The following PTGIR variants were observed in gnomAD, a reference collection of about 807,000 sequenced individuals.
The protein encoded by PTGIR is prostaglandin I2 receptor, also known as prostacyclin receptor.
Under a neutral mutation model 17.6 loss-of-function variants are expected in PTGIR, and 16 were observed. The observed-to-expected ratio is 0.91, with a 90% CI of 0.61 to 1.38. PTGIR has a LOEUF of 1.38. PTGIR is among the 40% of genes most tolerant of loss of function. PTGIR has a pLI of 0.00. For missense variants in PTGIR, 532 were observed against 548.6 expected, an observed-to-expected ratio of 0.97 and a Z score of 0.30; for synonymous variants, 274 against 255.4, an observed-to-expected ratio of 1.07 and a Z score of -0.69.
chr19:46,619,153 G>A (rs1430691523), downstream of PTGIR, among the ~76,000 whole-genome samples: 1 of 152,020 alleles, frequency 6.6e-6, no homozygotes, highest in East Asian at 1.9e-4. Context: ...TGTGTGAGTC[G>A]GGACAGGTGG....
downstream of PTGIR, among the ~76,000 whole-genome samples, chr19:46,617,370 TG>T (rs1288023553): frequency 6.6e-6 from 1 of 151,336 alleles, no homozygotes; most frequent in Admixed American, 6.6e-5. Flanking sequence ...AAAGGGTGGA[TG>T]GGGGGCATTG....
chr19:46,624,317 C>T, intron 1 of PTGIR, 80 bp from the exon 2 acceptor site: 1 of 1,347,742 alleles, frequency 7.4e-7, no homozygotes, highest in South Asian at 1.7e-5. Context: ...TCCCTGCTGG[C>T]CAGTCCTTTT....
At chr19:46,615,792 C>A (rs566977522), downstream of PTGIR, among the ~76,000 whole-genome samples, 2 of 151,022 alleles carry the variant, frequency 1.3e-5, no homozygotes, top group Non-Finnish European at 2.9e-5. Context: ...AGGAGTGAGC[C>A]CCCACGCCCA....
downstream of PTGIR, among the ~76,000 whole-genome samples, chr19:46,619,486 T>G (rs75301386): frequency 6.7e-5 from 9 of 134,390 alleles, no homozygotes; most frequent in East Asian, 1.5e-3. Context: ...CAGAGTGATA[T>G]TCTGTCTCAA....
chr19:46,623,422 C>G, intron 2 of PTGIR, 36 bp downstream of exon 2: 6 of 1,488,030 alleles, frequency 4.0e-6, no homozygotes, highest in Non-Finnish European at 2.7e-6. Flanking sequence ...TGCCCTCCTC[C>G]TCTCCCCACT....
At chr19:46,620,325 C>A (rs1160118636), downstream of PTGIR, 1 of 705,152 alleles carries the variant, frequency 1.4e-6, no homozygotes, top group African/African-American at 1.9e-5. Context: ...TGGTCTCAAA[C>A]TCCTGGGCTC....
downstream of PTGIR, among the ~76,000 whole-genome samples, chr19:46,619,601 A>AATGAAAG (rs1568675777): frequency 1.0e-5 from 1 of 95,650 alleles, no homozygotes; most frequent in Non-Finnish European, 2.1e-5. Context: ...GAAAAGAAAG[A>AATGAAAG]AAGGAAAGAA....
the PTGIR span, chr19:46,614,378 G>A: frequency 1.0e-6 from 1 of 985,204 alleles, no homozygotes; most frequent in Non-Finnish European, 1.2e-6. Context: ...ATCTGTGTGC[G>A]CCGGTGTTTA....
Position 46,621,051 on chromosome 19 carries a change from T to G in PTGIR, c.*229A>C. On this transcript the variant is annotated 3_prime_UTR_variant, in exon 3 of 3. Coordinates refer to ENST00000291294, the MANE Select transcript of PTGIR (RefSeq NM_000960.4). The surrounding 1 kb of genome is among the most constrained non-coding windows in gnomAD (Gnocchi z 4.8). ...CAGAGCAGGTCGGCCAGGCCACTGGTTATTTTGAGAGAACCATTCTTTCTG... is the reference window on the plus strand; with the variant it reads ...CAGAGCAGGTCGGCCAGGCCACTGGGTATTTTGAGAGAACCATTCTTTCTG... The G allele has an allele frequency of 8.1e-7, 1 of 1,229,602 alleles. No homozygotes were observed. The highest frequency in any genetic ancestry group is 1.0e-6 in the Non-Finnish European group (1 of 985,894). The allele number at this position is 1,229,602 out of a possible 1,614,324, so 76.2% of individuals were successfully genotyped here.
At chr19:46,616,682 G>A (rs961243493), downstream of PTGIR, among the ~76,000 whole-genome samples, 24 of 152,080 alleles carry the variant, frequency 1.6e-4, no homozygotes, top group Non-Finnish European at 1.3e-4. Flanking sequence ...TCAGGTCCCC[G>A]CTCAGCCATC....
downstream of PTGIR, among the ~76,000 whole-genome samples, chr19:46,618,032 T>TTTTTTTG (rs1374189886): frequency 6.8e-6 from 1 of 148,064 alleles, no homozygotes; most frequent in Admixed American, 6.7e-5. Context: ...TTTTTTTTTT[T>TTTTTTTG]GAGACGGAGT....
rs201803571 is a variant in PTGIR at position 46,621,340 on chromosome 19, G to A, written c.1101C>T (p.Ser367=). ...TGGACGACGTTCCCACGGCGCTGCC[G>A]CTGGACTGCTGTGTGGGAGGCAAGG... is the stretch of plus-strand genomic sequence containing the variant. The part of the protein sequence containing the change: ...VEPLPPTQQS[S]GSAVGTSSKA... Residue 367 remains serine (S), a synonymous_variant, in exon 3 of 3, where the codon AGC becomes AGT. Coordinates refer to ENST00000291294, the MANE Select transcript of PTGIR (RefSeq NM_000960.4). This position sits in a 1 kb window ranked among gnomAD's most constrained non-coding sequence, Gnocchi z 4.8. The A allele has an allele frequency of 2.2e-5, 34 of 1,535,338 alleles. No individual in the cohort carries two copies. The highest frequency in any genetic ancestry group is 2.0e-4 in the East Asian group (9 of 44,146).
At chr19:46,614,239 T>TC in the PTGIR span, among the ~76,000 whole-genome samples, 7 of 152,012 alleles carry the variant, frequency 4.6e-5, no homozygotes, top group African/African-American at 1.7e-4. Context: ...CTCCCAAGGA[T>TC]CCCCTCACTT....
At chr19:46,615,599 C>A (rs539990127), downstream of PTGIR, among the ~76,000 whole-genome samples, 4 of 150,924 alleles carry the variant, frequency 2.7e-5, no homozygotes, top group Non-Finnish European at 4.4e-5. Context: ...TCCACCTCCC[C>A]GGTTCACGCC....
downstream of PTGIR, among the ~76,000 whole-genome samples, chr19:46,619,595 A>AAG (rs1972021669): frequency 9.4e-6 from 1 of 106,728 alleles, no homozygotes; most frequent in African/African-American, 4.1e-5. Flanking sequence ...AAGAAAGAAA[A>AAG]GAAAGAAAGG....
At position 46,620,616 on chromosome 19, in the gene PTGIR, C is replaced by CA. The variant is rs1247665012; in HGVS notation, c.*663_*664insT. ...TCTGTCTCCCCACCACCTGCACCCC[C>CA]CCAGTTCTCATCTTGCAGCCAGTCA... On this transcript the variant is annotated 3_prime_UTR_variant, in exon 3 of 3. Transcript: ENST00000291294. The CA allele has an allele frequency of 9.1e-6, 9 of 985,742 alleles. No homozygotes were observed. Among genetic ancestry groups the CA allele is most frequent in the Non-Finnish European group, 1.1e-5 (9 of 830,144 alleles). 61.1% of individuals were successfully genotyped at this position (985,742 alleles called of 1,614,324 possible). A position where few individuals can be genotyped will look rare whatever the true frequency, so the allele number is the denominator to read the frequency against.
At chr19:46,622,772 C>T (rs1008038976) in intron 2 of PTGIR, 2 of 152,282 alleles carry the variant, frequency 1.3e-5, no homozygotes, top group East Asian at 1.9e-4. Context: ...GGTATAATCA[C>T]AGCTCACTGC....
chr19:46,621,212 CATGTCCCTG>C lies in PTGIR; in HGVS notation c.*59_*67del, dbSNP rs1472393044. The C allele has an allele frequency of 1.0e-5, 15 of 1,470,242 alleles. No homozygotes were observed. Among genetic ancestry groups the C allele is most frequent in the Admixed American group, 4.7e-5 (2 of 42,554 alleles). 91.1% of individuals were successfully genotyped at this position (1,470,242 alleles called of 1,614,324 possible). A position where few individuals can be genotyped will look rare whatever the true frequency, so the allele number is the denominator to read the frequency against. The stretch of plus-strand genomic sequence containing the variant: ...GGTTCCAGCATCCGCAGCCATCAGC[CATGTCCCTG>C]ATTTTCTGGCTCCTGTCGCCCGAAG... On this transcript the variant is annotated 3_prime_UTR_variant, in exon 3 of 3. Transcript: ENST00000291294. This position sits in a 1 kb window ranked among gnomAD's most constrained non-coding sequence, Gnocchi z 4.8.
At chr19:46,618,524 C>A (rs935179750), downstream of PTGIR, among the ~76,000 whole-genome samples, 4 of 152,154 alleles carry the variant, frequency 2.6e-5, no homozygotes, top group Non-Finnish European at 2.9e-5. Flanking sequence ...GTCTTGAACT[C>A]CTGGGCTCAG....
Sources: allele counts gnomAD v4.1 joint callset (sites outside exome capture counted in the v4.1 genomes callset), GRCh38; gene constraint gnomAD v4.1.1; non-coding constraint Gnocchi (gnomAD v3.1); transcripts MANE v1.5; gene names NCBI Gene and HGNC (gene_info 2026-07-23, HGNC 2026-07-21).